OPCML: variants seen among roughly 807,000 people sequenced by gnomAD.
OPCML encodes opioid binding protein/cell adhesion molecule like, also known as opioid-binding protein/cell adhesion molecule.
Under a neutral mutation model 37.8 loss-of-function variants are expected in OPCML, and 13 were observed. That is an observed-to-expected ratio of 0.34 (90% CI 0.22 to 0.55). The LOEUF is 0.55. Among genes scored for constraint, OPCML ranks in the 20% least tolerant of loss-of-function variants. OPCML has a pLI of 0.91. For synonymous variants in OPCML, 176 were observed against 168.8 expected (o/e 1.04, Z -0.33); for missense variants, 341 against 435.6 (o/e 0.78, Z 1.93).
intron 3 of OPCML, among the ~76,000 whole-genome samples, chr11:132,585,257 G>A (rs1183427102): frequency 6.6e-6 from 1 of 151,978 alleles, no homozygotes; most frequent in Non-Finnish European, 1.5e-5. Flanking sequence ...GCAGAACAGA[G>A]GGTTTTGCAA....
chr11:132,714,507 G>A (rs1266136990), intron 2 of OPCML, among the ~76,000 whole-genome samples: 1 of 152,190 alleles, frequency 6.6e-6, no homozygotes, highest in Non-Finnish European at 1.5e-5. Context: ...CAAGAAGCTG[G>A]GGAGCTATGG....
intron 2 of OPCML, among the ~76,000 whole-genome samples, chr11:132,918,001 T>C (rs1944662791): frequency 6.6e-6 from 1 of 152,192 alleles, no homozygotes; most frequent in African/African-American, 2.4e-5. Flanking sequence ...AGTGGCCACT[T>C]TTAAAAAATT....
intron 2 of OPCML, among the ~76,000 whole-genome samples, chr11:132,858,089 A>G (rs1424347329): frequency 1.3e-5 from 2 of 152,222 alleles, no homozygotes; most frequent in East Asian, 1.9e-4. Flanking sequence ...ACATGCACAC[A>G]TGTAAACTCC....
intron 1 of OPCML, among the ~76,000 whole-genome samples, chr11:133,291,371 G>A (rs1759103266): frequency 6.6e-6 from 1 of 152,188 alleles, no homozygotes; most frequent in Admixed American, 6.5e-5. Flanking sequence ...CCCGAGAGAT[G>A]AGCCCTGCGT....
intron 1 of OPCML, among the ~76,000 whole-genome samples, chr11:133,469,810 C>T (rs1054160866): frequency 1.3e-5 from 2 of 152,190 alleles, no homozygotes; most frequent in Non-Finnish European, 2.9e-5. Flanking sequence ...CTGGCACATG[C>T]TCTCTTCTGT....
intron 1 of OPCML, among the ~76,000 whole-genome samples, chr11:133,196,124 TC>T (rs1938527742): frequency 6.6e-6 from 1 of 152,180 alleles, no homozygotes; most frequent in Non-Finnish European, 1.5e-5. Flanking sequence ...CTAAATAGGA[TC>T]AGTGAAAATA....
intron 4 of OPCML, among the ~76,000 whole-genome samples, chr11:132,526,088 G>A (rs2509230): frequency 0.41 from 62,453 of 151,902 alleles, 14,911 homozygotes; most frequent in Non-Finnish European, 0.55. Flanking sequence ...ATTACACTCT[G>A]TAAAAGATTG....
At chr11:132,484,811 C>A (rs10791232) in intron 4 of OPCML, among the ~76,000 whole-genome samples, 155 of 144,830 alleles carry the variant, frequency 1.1e-3, no homozygotes, top group African/African-American at 2.1e-3. Flanking sequence ...AGTAAACTAT[C>A]GCAAGAACAA....
intron 2 of OPCML, among the ~76,000 whole-genome samples, chr11:132,922,914 G>C (rs909188963): frequency 4.0e-5 from 6 of 151,512 alleles, no homozygotes; most frequent in Admixed American, 1.3e-4. Flanking sequence ...ACACGTTTTT[G>C]TTTTTTGTTT....
rs1273688783 is a variant in OPCML, at chr11:132,441,359, G to C, written c.506-4000C>G. Reference sequence around the variant, plus strand: ...ATTTTTTTGTATTTTTAGTAGAGACGGGGTTTCACCGTTTTAGCCGGGATG... The same window carrying C: ...ATTTTTTTGTATTTTTAGTAGAGACCGGGTTTCACCGTTTTAGCCGGGATG... On this transcript the variant is annotated intron_variant, in intron 4 of 7. Coordinates refer to ENST00000524381, the MANE Select transcript of OPCML (RefSeq NM_001012393.5). Among the ~76,000 whole-genome samples, 5 of 150,886 alleles carry C rather than the reference G, an allele frequency of 3.3e-5. No homozygotes were observed. In the South Asian group the frequency reaches 1.1e-3, roughly 32 times the overall value.
At chr11:132,600,786 G>A (rs1937817927) in intron 3 of OPCML, among the ~76,000 whole-genome samples, 1 of 146,032 alleles carries the variant, frequency 6.8e-6, no homozygotes. Context: ...TGAGTGACTT[G>A]TAACATTCTT....
chr11:133,105,259 G>T (rs1035625804), intron 1 of OPCML, among the ~76,000 whole-genome samples: 1 of 152,196 alleles, frequency 6.6e-6, no homozygotes, highest in Non-Finnish European at 1.5e-5. Context: ...TGCCGATAAA[G>T]CTCAAAGTTC....
chr11:133,435,754 A>C (rs776661036), intron 1 of OPCML, among the ~76,000 whole-genome samples: 3 of 152,216 alleles, frequency 2.0e-5, no homozygotes, highest in Non-Finnish European at 4.4e-5. Flanking sequence ...CTCTGACATT[A>C]TCTCTGACTT....
intron 1 of OPCML, chr11:133,422,461 G>A: frequency 1.0e-6 from 1 of 979,912 alleles, no homozygotes; most frequent in Non-Finnish European, 1.2e-6. Flanking sequence ...TCTTGGGAGA[G>A]GAAGTCTTAC....
At chr11:132,523,299 T>C (rs1294180244) in intron 4 of OPCML, among the ~76,000 whole-genome samples, 1 of 152,224 alleles carries the variant, frequency 6.6e-6, no homozygotes, top group African/African-American at 2.4e-5. Flanking sequence ...ATTTTGCTAG[T>C]ATTAGCTCTT....
chr11:132,605,817 C>G (rs1349892818), intron 3 of OPCML, among the ~76,000 whole-genome samples: 3 of 152,132 alleles, frequency 2.0e-5, no homozygotes, highest in Non-Finnish European at 2.9e-5. Context: ...ATAGTAGGTA[C>G]TCAACACATA....
At chr11:133,479,700 C>T (rs1947332828) in intron 1 of OPCML, among the ~76,000 whole-genome samples, 1 of 152,212 alleles carries the variant, frequency 6.6e-6, no homozygotes, top group African/African-American at 2.4e-5. Flanking sequence ...TGGGCCCCAC[C>T]CAAGTCGCAC....
At chr11:133,023,127 G>T (rs1184010579) in intron 1 of OPCML, among the ~76,000 whole-genome samples, 1 of 152,232 alleles carries the variant, frequency 6.6e-6, no homozygotes, top group East Asian at 1.9e-4. Context: ...CCGACCTGGT[G>T]CAACAGTTGT....
intron 1 of OPCML, among the ~76,000 whole-genome samples, chr11:133,099,442 C>CTTTTTTTTTT (rs35161811): frequency 1.4e-4 from 17 of 119,474 alleles, no homozygotes; most frequent in South Asian, 2.6e-4. Flanking sequence ...TTCTTTTTTT[C>CTTTTTTTTTT]TTTTTTTTTT....
Sources: gnomAD v4.1 joint callset for allele counts (sites outside exome capture counted in the v4.1 genomes callset) on GRCh38, gnomAD v4.1.1 for gene constraint, MANE v1.5 for transcripts, NCBI Gene and HGNC (gene_info 2026-07-23, HGNC 2026-07-21) for gene names.